Variants in ATIC observed in about 807,000 individuals in gnomAD.
The protein encoded by ATIC is bifunctional purine biosynthesis protein ATIC.
ATIC carries 64 observed loss-of-function variants against 72.5 expected under a neutral mutation model. The ratio of observed to expected loss-of-function variants is 0.88; its 90% CI spans 0.72 to 1.09. The LOEUF is 1.09. Ranked by LOEUF, ATIC falls within the 50% of genes least tolerant of loss-of-function variation. The probability of loss-of-function intolerance (pLI) is 0.00; values close to 1 mark genes in which losing one functional copy is unlikely to be tolerated. For synonymous variants in ATIC, 281 were observed against 267.1 expected (o/e 1.05, Z -0.51); for missense variants, 787 against 732.4 (o/e 1.07, Z -0.86).
At chr2:215,323,992 C>T (rs1228796111) in intron 4 of ATIC, among the ~76,000 whole-genome samples, 1 of 152,298 alleles carries the variant, frequency 6.6e-6, no homozygotes, top group African/African-American at 2.4e-5. Context: ...GAACTTCCAA[C>T]CTCAGTTGAT....
chr2:215,331,343 C>T (rs532958393), intron 7 of ATIC, among the ~76,000 whole-genome samples: 3 of 151,358 alleles, frequency 2.0e-5, no homozygotes, highest in African/African-American at 2.4e-5. Context: ...CTATCTTAAC[C>T]CATGAAGGAC....
the ATIC span, chr2:215,361,623 C>T: frequency 2.5e-6 from 4 of 1,609,064 alleles, no homozygotes; most frequent in Non-Finnish European, 3.4e-6. Context: ...GGGCAATTAA[C>T]ATTCTGTTAA....
At chr2:215,342,783 G>A (rs13387522) in intron 12 of ATIC, among the ~76,000 whole-genome samples, 31,820 of 152,070 alleles carry the variant, frequency 0.21, 4,265 homozygotes, top group Non-Finnish European at 0.3. Flanking sequence ...GGGTTCAAGC[G>A]ATTCTCCTGC....
At chr2:215,313,119 C>A (rs1167251302) in intron 2 of ATIC, among the ~76,000 whole-genome samples, 2 of 152,138 alleles carry the variant, frequency 1.3e-5, no homozygotes, top group African/African-American at 2.4e-5. Flanking sequence ...GATTTAGCAT[C>A]TTCTGCACAA....
At chr2:215,312,451 C>G in intron 1 of ATIC, 47 bp from the exon 2 acceptor site, 1 of 1,614,008 alleles carries the variant, frequency 6.2e-7, no homozygotes, top group African/African-American at 1.3e-5. Flanking sequence ...TTGCAGAACA[C>G]AGTGCAATGT....
the ATIC span, chr2:215,361,832 C>A: frequency 8.4e-7 from 1 of 1,191,708 alleles, no homozygotes; most frequent in South Asian, 1.4e-5. Context: ...TTATGGAATA[C>A]AGTGTTTCAC....
chr2:215,313,068 T>A, intron 2 of ATIC, among the ~76,000 whole-genome samples: 1 of 152,072 alleles, frequency 6.6e-6, no homozygotes, highest in Admixed American at 6.6e-5. Flanking sequence ...CTGCACTCCA[T>A]CCTGGGTGAC....
chr2:215,358,849 AT>A, the ATIC span, among the ~76,000 whole-genome samples: 2 of 152,200 alleles, frequency 1.3e-5, no homozygotes, highest in Non-Finnish European at 2.9e-5. Context: ...CATTTAGTTA[AT>A]ACAGTCCAAC....
rs189545815 is a variant in ATIC at position 215,313,592 on chromosome 2, T to G, written c.146+968T>G. Among the ~76,000 whole-genome samples, 83 of 152,302 alleles carry G rather than the reference T, an allele frequency of 5.4e-4. No individual in the cohort carries two copies. In the Middle Eastern group the frequency reaches 0.01, roughly 19 times the overall value. ...ACCACCCCTGAAACATATTTTAGAATGAAAGAGATGAAGGATATCTGTCTG... is the reference window on the plus strand; with the variant it reads ...ACCACCCCTGAAACATATTTTAGAAGGAAAGAGATGAAGGATATCTGTCTG... On this transcript the variant is annotated intron_variant, in intron 2 of 15. Transcript: ENST00000236959.
intron 2 of ATIC, 58 bp downstream of exon 2, chr2:215,312,682 G>A (rs1045851508): frequency 6.2e-7 from 1 of 1,612,978 alleles, no homozygotes; most frequent in African/African-American, 1.3e-5. Context: ...AGGAAGTATT[G>A]TATTCCAGGC....
chr2:215,358,119 TAGAA>T, the ATIC span, among the ~76,000 whole-genome samples: 1 of 152,178 alleles, frequency 6.6e-6, no homozygotes, highest in Non-Finnish European at 1.5e-5. Flanking sequence ...TTCACCTCCA[TAGAA>T]AGGGTGCCCT....
intron 2 of ATIC, among the ~76,000 whole-genome samples, chr2:215,316,111 T>C (rs2052705644): frequency 6.6e-6 from 1 of 152,182 alleles, no homozygotes; most frequent in Non-Finnish European, 1.5e-5. Flanking sequence ...TGAGCATACA[T>C]AGAATTATTT....
intron 14 of ATIC, 23 bp downstream of exon 14, chr2:215,346,964 C>T: frequency 6.2e-7 from 1 of 1,613,130 alleles, no homozygotes; most frequent in Non-Finnish European, 8.5e-7. Context: ...GCATTGGGTT[C>T]TCGGCTGTGT....
At chr2:215,345,290 A>G in intron 13 of ATIC, 1 of 279,112 alleles carries the variant, frequency 3.6e-6, no homozygotes, top group Non-Finnish European at 7.0e-6. Flanking sequence ...TGTCTTATCA[A>G]GAATCTGCTG....
chr2:215,338,790 T>G lies in ATIC; in HGVS notation c.1110T>G (p.Ser370=). Residue 370 remains serine, a synonymous_variant, in exon 12 of 16, where the codon TCT becomes TCG. Transcript: ENST00000236959. ...AATTTGTATTTTAGATGGACCAATC[T>G]TACAAACCAGATGAAAATGAAGTTC... ...GNYCVLQMDQ[S]YKPDENEVRT... 1.2e-6 allele frequency: 2 copies of G among 1,613,730 alleles called. No homozygotes were observed. Among genetic ancestry groups the G allele is most frequent in the Non-Finnish European group, 1.7e-6 (2 of 1,179,770 alleles).
Position 215,344,867 on chromosome 2 carries a change from G to C in ATIC, c.1316G>C (p.Gly439Ala), listed in dbSNP as rs367674366. 6 of 1,613,752 alleles carry C rather than the reference G, an allele frequency of 3.7e-6. No homozygotes were observed. In the African/African-American group the frequency reaches 8.0e-5, roughly 22 times the overall value. The stretch of plus-strand genomic sequence containing the variant: ...AACTCTGTGTGCTACGCCAAGAACG[G>C]GCAGGTAAGTGGGCTGTTGGACTCG... ...QSNSVCYAKNGQVIGIGAGQQ... is the reference protein window; with the variant it reads ...QSNSVCYAKNAQVIGIGAGQQ... The change falls in exon 13 of 16, where the codon GGG becomes GCG. Residue 439 changes from glycine (G) to alanine (A), a missense_variant. Coordinates refer to ENST00000236959, the MANE Select transcript of ATIC (RefSeq NM_004044.7).
rs141907341 is a variant in ATIC at position 215,312,662 on chromosome 2, C to T, written c.146+38C>T. ...TAGTTCCATCAGAAAGGAGTGTGAT[C>T]ACATTAACCAGGAAGTATTGTATTC... On this transcript the variant is annotated intron_variant, in intron 2 of 15. Transcript: ENST00000236959. 3.6e-4 allele frequency: 588 copies of T among 1,613,882 alleles called. 1 individual carries two copies. The African/African-American group carries it at 7.0e-3, about 19-fold the overall frequency.
intron 12 of ATIC, among the ~76,000 whole-genome samples, chr2:215,343,380 A>G (rs970774739): frequency 2.6e-5 from 4 of 152,174 alleles, no homozygotes; most frequent in African/African-American, 9.7e-5. Flanking sequence ...TCTGTCACCT[A>G]GACTGGAGTG....
the ATIC span, among the ~76,000 whole-genome samples, chr2:215,355,155 A>G: frequency 6.6e-6 from 1 of 151,940 alleles, no homozygotes. Flanking sequence ...TTGCTCTGTG[A>G]GGTGGTGTTT....
Sources: gnomAD v4.1 joint callset for allele counts (sites outside exome capture counted in the v4.1 genomes callset) on GRCh38, gnomAD v4.1.1 for gene constraint, MANE v1.5 for transcripts, NCBI Gene and HGNC (gene_info 2026-07-23, HGNC 2026-07-21) for gene names.